Variants in RADX observed in about 807,000 individuals in gnomAD.
RADX encodes RPA-related protein RADX.
RADX carries 36 observed loss-of-function variants against 61.6 expected under a neutral mutation model. The ratio of observed to expected loss-of-function variants is 0.58; its 90% CI spans 0.45 to 0.77. The LOEUF is 0.77. Among genes scored for constraint, RADX ranks in the 30% least tolerant of loss-of-function variants. RADX has a pLI of 0.00. For missense variants in RADX, 497 were observed against 651.1 expected (o/e 0.76, Z 2.58); for synonymous variants, 272 against 237.9 (o/e 1.14, Z -1.32).
intron 12 of RADX, 59 bp downstream of exon 12, chrX:106,662,364 A>G: frequency 6.7e-6 from 7 of 1,040,735 alleles, no homozygotes; most frequent in Non-Finnish European, 9.0e-6. Flanking sequence ...TATACCTACT[A>G]TTTCGCTTTA....
intron 1 of RADX, among the ~76,000 whole-genome samples, chrX:106,614,919 AC>A (rs1049776590): frequency 9.0e-6 from 1 of 110,747 alleles, no homozygotes; most frequent in South Asian, 3.8e-4. Context: ...TGTAACCATC[AC>A]CCCCCTCCCT....
chrX:106,675,661 C>T (rs960126603), intron 13 of RADX, among the ~76,000 whole-genome samples: 11 of 112,390 alleles, frequency 9.8e-5, no homozygotes, highest in Non-Finnish European at 1.3e-4. Flanking sequence ...GTGGAGAACA[C>T]ATAGTGTTGC....
At position 106,669,175 on chromosome X, in the gene RADX, A is replaced by C. The variant is rs763743766; in HGVS notation, c.2282A>C (p.Glu761Ala). 21 of 1,204,063 alleles carry C rather than the reference A, an allele frequency of 1.7e-5. No homozygotes were observed. The highest frequency in any genetic ancestry group is 2.2e-6 in the Non-Finnish European group (2 of 890,209). The change falls in exon 13 of 14, where the codon GAG becomes GCG. Residue 761 changes from glutamate (E) to alanine (A), a missense_variant. Physicochemically the swap from Glu to Ala is moderately radical, Grantham distance 107. Transcript: ENST00000372548. ...FEVTILGLNH[E>A]IAIDVAFLPM... ...CTTTCTTTAACAGGTCTGAACCATG[A>C]GATAGCAATCGATGTTGCTTTCCTA... is the stretch of plus-strand genomic sequence containing the variant.
intron 1 of RADX, among the ~76,000 whole-genome samples, chrX:106,621,416 A>T (rs1045681185): frequency 1.8e-5 from 2 of 112,147 alleles, no homozygotes; most frequent in Non-Finnish European, 3.8e-5. Context: ...ACCCTTAGCA[A>T]AAGAAATACT....
In RADX at chrX:106,630,530, G is replaced by A. The variant is rs1018541213; in HGVS notation, c.980-2095G>A. Among the ~76,000 whole-genome samples the A allele has an allele frequency of 1.4e-4, 15 of 110,829 alleles. 1 individual carries two copies. The highest frequency in any genetic ancestry group is 4.6e-4 in the African/African-American group (14 of 30,471). On this transcript the variant is annotated intron_variant, in intron 3 of 13. Transcript: ENST00000372548. ...CCTAGCCAGTGTGAGAAGACAAAAT[G>A]AATTAAAGGTATAAAGGTTTTAAAG...
At chrX:106,658,775 T>C (rs2147636151) in intron 11 of RADX, among the ~76,000 whole-genome samples, 1 of 111,733 alleles carries the variant, frequency 8.9e-6, no homozygotes, top group South Asian at 3.8e-4. Flanking sequence ...AATATGTTTG[T>C]GTGGTTTGTT....
intron 2 of RADX, among the ~76,000 whole-genome samples, chrX:106,623,067 A>G (rs777317101): frequency 4.5e-5 from 5 of 110,438 alleles, no homozygotes; most frequent in East Asian, 2.8e-4. Context: ...CTTCTCACCT[A>G]TGCTTTCTGT....
At chrX:106,621,861 G>T (rs976428864) in intron 1 of RADX, among the ~76,000 whole-genome samples, 1 of 108,098 alleles carries the variant, frequency 9.3e-6, no homozygotes, top group Admixed American at 1.0e-4. Flanking sequence ...GCGGGAGATA[G>T]AATTTATACA....
At chrX:106,654,995 C>G (rs2147633766) in intron 11 of RADX, among the ~76,000 whole-genome samples, 1 of 111,379 alleles carries the variant, frequency 9.0e-6, no homozygotes, top group East Asian at 2.8e-4. Context: ...AAATTTAAGT[C>G]CTTCCATGGT....
intron 10 of RADX, among the ~76,000 whole-genome samples, chrX:106,646,191 G>A (rs1282111197): frequency 1.8e-5 from 2 of 110,828 alleles, no homozygotes; most frequent in East Asian, 5.6e-4. Context: ...CAGTTTACAT[G>A]TATCTTTATA....
chrX:106,658,789 G>A (rs2147636159), intron 11 of RADX, among the ~76,000 whole-genome samples: 1 of 111,190 alleles, frequency 9.0e-6, no homozygotes, highest in East Asian at 2.8e-4. Flanking sequence ...GTTTGTTTGT[G>A]CTTATATCTA....
intron 13 of RADX, 56 bp downstream of exon 13, chrX:106,669,386 C>A: frequency 1.2e-6 from 1 of 823,530 alleles, no homozygotes; most frequent in Non-Finnish European, 1.7e-6. Flanking sequence ...ATAAACAGCC[C>A]TAGCCTTAAG....
At chrX:106,676,484 A>G (rs1294989211) in intron 13 of RADX, among the ~76,000 whole-genome samples, 1 of 112,419 alleles carries the variant, frequency 8.9e-6, no homozygotes, top group Non-Finnish European at 1.9e-5. Context: ...CTAGCATAAA[A>G]GATTAAAAGC....
Position 106,612,500 on chromosome X carries a change from G to A in RADX, c.420G>A (p.Glu140=), listed in dbSNP as rs1264966339. 1 of 1,209,589 alleles carries A rather than the reference G, an allele frequency of 8.3e-7. No individual in the cohort carries two copies. The highest frequency in any genetic ancestry group is 1.8e-5 in the African/African-American group (1 of 57,137). The part of the protein sequence containing the change: ...RISRVSCLYN[E]KRIGQGILCI... Reference sequence around the variant, plus strand: ...CCAGGGTCTCATGTCTTTACAATGAGAAAAGGATAGGCCAGGGGATCCTGT... The same window carrying A: ...CCAGGGTCTCATGTCTTTACAATGAAAAAAGGATAGGCCAGGGGATCCTGT... The change falls in exon 1 of 14, where the codon GAG becomes GAA. Residue 140 remains glutamate (E), a synonymous_variant. Coordinates refer to ENST00000372548, the MANE Select transcript of RADX (RefSeq NM_018015.6).
At chrX:106,628,310 A>C (rs1292930567) in intron 3 of RADX, among the ~76,000 whole-genome samples, 1 of 112,310 alleles carries the variant, frequency 8.9e-6, no homozygotes, top group African/African-American at 3.2e-5. Flanking sequence ...TAATGACAGT[A>C]AACCATATTA....
chrX:106,617,829 G>C (rs916392748), intron 1 of RADX, among the ~76,000 whole-genome samples: 2 of 111,487 alleles, frequency 1.8e-5, no homozygotes, highest in South Asian at 7.5e-4. Flanking sequence ...CAAAAAAATG[G>C]ATGGGGCAAA....
At chrX:106,677,527 A>G (rs1928541462) in intron 13 of RADX, among the ~76,000 whole-genome samples, 1 of 106,724 alleles carries the variant, frequency 9.4e-6, no homozygotes, top group African/African-American at 3.4e-5. Flanking sequence ...TGAGAAGCGA[A>G]TTGTCTTACT....
rs1424254872 is a variant in RADX at position 106,648,374 on chromosome X, A to G, written c.1966A>G (p.Ser656Gly). 8.5e-7 allele frequency: 1 copy of G among 1,179,115 alleles called. No individual in the cohort carries two copies. The highest frequency in any genetic ancestry group is 1.2e-6 in the Non-Finnish European group (1 of 868,706). The change falls in exon 11 of 14, where the codon AGC becomes GGC. Residue 656 changes from serine to glycine, a missense_variant. Coordinates refer to ENST00000372548, the MANE Select transcript of RADX (RefSeq NM_018015.6). ...QTKGIKPGMP[S>G]IFNRRANINA... ...AAAGGGAATTAAACCGGGCATGCCA[A>G]GCATCTTCAACCGTATGTTACTATT...
At chrX:106,661,384 T>C (rs1928090702) in intron 11 of RADX, among the ~76,000 whole-genome samples, 1 of 101,674 alleles carries the variant, frequency 9.8e-6, no homozygotes, top group South Asian at 4.1e-4. Context: ...TTTTTTTTTT[T>C]GGTTTTTTTG....
Sources: gnomAD v4.1 joint callset for allele counts (sites outside exome capture counted in the v4.1 genomes callset) on GRCh38, gnomAD v4.1.1 for gene constraint, MANE v1.5 for transcripts, NCBI Gene and HGNC (gene_info 2026-07-23, HGNC 2026-07-21) for gene names.